HTR2A: variants seen among roughly 807,000 people sequenced by gnomAD.
The protein encoded by HTR2A is 5-hydroxytryptamine receptor 2A.
Under a neutral mutation model 31.0 loss-of-function variants are expected in HTR2A, and 14 were observed. That is an observed-to-expected ratio of 0.45 (90% CI 0.30 to 0.71). The LOEUF is 0.71. Among genes scored for constraint, HTR2A ranks in the 30% least tolerant of loss-of-function variants. The pLI is 0.09. For synonymous variants in HTR2A, 209 were observed against 225.2 expected (o/e 0.93, Z 0.64); for missense variants, 442 against 573.3 (o/e 0.77, Z 2.34).
Position 46,892,560 on chromosome 13 carries a change from C to G in HTR2A, c.443G>C (p.Cys148Ser). The change falls in exon 3 of 4, where the codon TGT becomes TCT. Residue 148 changes from cysteine to serine, a missense_variant. Around this residue, in one of 5 missense-constraint regions of HTR2A, gnomAD observed 86 missense variants for 179.1 expected, o/e 0.48. Transcript: ENST00000542664. ...GYRWPLPSKL[C>S]AVWIYLDVLF... is the part of the protein sequence containing the mutation. ...CACGTCCAGGTAAATCCAGACTGCA[C>G]AAAGCTTGCTCGGCAGAGGCCACCG... 2 of 1,614,186 alleles carry G rather than the reference C, an allele frequency of 1.2e-6. No homozygotes were observed. Among genetic ancestry groups the G allele is most frequent in the Admixed American group, 1.7e-5 (1 of 60,030 alleles).
At chr13:46,836,563 A>T (rs560326214) in intron 3 of HTR2A, among the ~76,000 whole-genome samples, 304 of 152,264 alleles carry the variant, frequency 2.0e-3, no homozygotes, top group African/African-American at 6.0e-3. Flanking sequence ...AATTCTTTTT[A>T]AAAAAGCTTT....
At chr13:46,865,088 A>T (rs1349995056) in intron 3 of HTR2A, among the ~76,000 whole-genome samples, 1 of 152,222 alleles carries the variant, frequency 6.6e-6, no homozygotes, top group Non-Finnish European at 1.5e-5. Flanking sequence ...CCTATGGGTT[A>T]ACCATTCATG....
chr13:46,897,593 A>G (rs79519872), upstream of HTR2A, among the ~76,000 whole-genome samples: 1,616 of 152,254 alleles, frequency 0.011, 30 homozygotes, highest in African/African-American at 0.037. Flanking sequence ...TTTTTCCCCC[A>G]CCAGTAATGA....
intron 3 of HTR2A, 117 bp from the exon 4 acceptor site, chr13:46,835,756 A>C (rs1489343299): frequency 2.7e-6 from 2 of 747,496 alleles, no homozygotes; most frequent in African/African-American, 1.8e-5. Context: ...TAAAAGCTTA[A>C]CATACTTTGA....
intron 3 of HTR2A, among the ~76,000 whole-genome samples, chr13:46,839,467 G>A (rs935535083): frequency 1.4e-4 from 22 of 152,240 alleles, no homozygotes; most frequent in African/African-American, 5.1e-4. Context: ...ATCCAATATC[G>A]TGGTCACAGC....
At chr13:46,862,096 T>C (rs1375318278) in intron 3 of HTR2A, among the ~76,000 whole-genome samples, 2 of 152,244 alleles carry the variant, frequency 1.3e-5, no homozygotes, top group Non-Finnish European at 2.9e-5. Flanking sequence ...CAATAACCAC[T>C]GTCCAAGTTT....
At chr13:46,892,345 C>T (rs773265088) in intron 3 of HTR2A, 45 bp downstream of exon 3, 18 of 1,563,758 alleles carry the variant, frequency 1.2e-5, no homozygotes, top group Admixed American at 5.0e-5. Context: ...TCAGAAAGCA[C>T]GAACTGTCAT....
intron 3 of HTR2A, among the ~76,000 whole-genome samples, chr13:46,869,090 C>A (rs1950844044): frequency 6.6e-6 from 1 of 152,096 alleles, no homozygotes; most frequent in Non-Finnish European, 1.5e-5. Context: ...ATAAACCGGA[C>A]TTCGTCATTA....
At chr13:46,851,008 T>A (rs1366960911) in intron 3 of HTR2A, among the ~76,000 whole-genome samples, 2 of 152,146 alleles carry the variant, frequency 1.3e-5, no homozygotes, top group East Asian at 1.9e-4. Context: ...GGGGTGAGGA[T>A]GGGGCAGAAA....
chr13:46,851,602 G>C (rs1408522645), intron 3 of HTR2A, among the ~76,000 whole-genome samples: 2 of 152,210 alleles, frequency 1.3e-5, no homozygotes, highest in Non-Finnish European at 2.9e-5. Flanking sequence ...TACAAGGGCA[G>C]GATGGATGTA....
intron 3 of HTR2A, among the ~76,000 whole-genome samples, chr13:46,848,177 G>T (rs536129743): frequency 6.6e-6 from 1 of 152,172 alleles, no homozygotes; most frequent in Non-Finnish European, 1.5e-5. Context: ...TGAAACATTA[G>T]TGATTTGGAG....
intron 3 of HTR2A, among the ~76,000 whole-genome samples, chr13:46,865,022 C>T (rs767499112): frequency 2.0e-5 from 3 of 152,146 alleles, no homozygotes; most frequent in Admixed American, 6.6e-5. Context: ...ATATATTTCA[C>T]GTGCTCTTAA....
intron 3 of HTR2A, among the ~76,000 whole-genome samples, chr13:46,863,646 AAAAG>A (rs1950798513): frequency 4.2e-5 from 4 of 95,884 alleles, no homozygotes; most frequent in South Asian, 9.1e-4. Flanking sequence ...AAAAAAAAAA[AAAAG>A]AAAAAAAAAA....
chr13:46,883,579 A>G (rs1950983700), intron 3 of HTR2A, among the ~76,000 whole-genome samples: 1 of 152,218 alleles, frequency 6.6e-6, no homozygotes, highest in Non-Finnish European at 1.5e-5. Flanking sequence ...AAGACAGGAA[A>G]TAAAGTAGCT....
chr13:46,885,406 G>T (rs1055810116), intron 3 of HTR2A, among the ~76,000 whole-genome samples: 1 of 151,068 alleles, frequency 6.6e-6, no homozygotes, highest in Non-Finnish European at 1.5e-5. Context: ...ATTTCAGACT[G>T]TGGTTAACTG....
intron 3 of HTR2A, among the ~76,000 whole-genome samples, chr13:46,872,884 A>G (rs937669039): frequency 3.3e-5 from 5 of 152,054 alleles, no homozygotes; most frequent in African/African-American, 9.7e-5. Flanking sequence ...TGTATTTCCC[A>G]GTAATTATTA....
chr13:46,844,205 C>A (rs142463251), intron 3 of HTR2A, among the ~76,000 whole-genome samples: 1 of 152,056 alleles, frequency 6.6e-6, no homozygotes. Flanking sequence ...ATCCCAGCAT[C>A]GAATGTGCTT....
chr13:46,898,029 C>T (rs1303175623), upstream of HTR2A, among the ~76,000 whole-genome samples: 1 of 152,150 alleles, frequency 6.6e-6, no homozygotes, highest in Non-Finnish European at 1.5e-5. Flanking sequence ...TTCTCGCTGC[C>T]AGATCCCACT....
intron 3 of HTR2A, among the ~76,000 whole-genome samples, chr13:46,882,176 A>T (rs1012926223): frequency 1.3e-5 from 2 of 152,082 alleles, no homozygotes; most frequent in South Asian, 4.2e-4. Context: ...GTTTTTGGGA[A>T]ATTAGAGGCT....
Sources: allele counts gnomAD v4.1 joint callset (sites outside exome capture counted in the v4.1 genomes callset), GRCh38; gene constraint gnomAD v4.1.1; regional missense constraint gnomAD v4.1.1; transcripts MANE v1.5; gene names NCBI Gene and HGNC (gene_info 2026-07-23, HGNC 2026-07-21).